Variants in UBASH3A observed in about 807,000 individuals in gnomAD.
UBASH3A encodes ubiquitin-associated and SH3 domain-containing protein A.
In UBASH3A, 63 loss-of-function variants were observed where a neutral mutation model predicts 73.5. That is an observed-to-expected ratio of 0.86 (90% CI 0.70 to 1.06). The LOEUF (loss-of-function observed/expected upper bound fraction) is 1.06. UBASH3A is among the 50% of genes least tolerant of loss of function. The probability of loss-of-function intolerance (pLI) is 0.00; values close to 1 mark genes in which losing one functional copy is unlikely to be tolerated. For synonymous variants in UBASH3A, 363 were observed against 351.1 expected (o/e 1.03, Z -0.38); for missense variants, 860 against 859.0 (o/e 1.00, Z -0.02).
At chr21:42,407,675 G>T (rs1374549683) in intron 2 of UBASH3A, among the ~76,000 whole-genome samples, 1 of 152,218 alleles carries the variant, frequency 6.6e-6, no homozygotes, top group Non-Finnish European at 1.5e-5. Context: ...CACGTCACTG[G>T]TGTCACTGAG....
At chr21:42,409,376 CT>C (rs773809533) in intron 2 of UBASH3A, 45 bp from the exon 3 acceptor site, 3 of 1,503,398 alleles carry the variant, frequency 2.0e-6, no homozygotes, top group Non-Finnish European at 2.7e-6. Flanking sequence ...GGGGAAAACT[CT>C]TTTTGTTGTG....
intron 7 of UBASH3A, among the ~76,000 whole-genome samples, chr21:42,424,436 C>A (rs2053399345): frequency 6.6e-6 from 1 of 152,206 alleles, no homozygotes. Context: ...TAATGTTTGT[C>A]CATTGCTTTG....
chr21:42,411,868 T>C (rs1464249476), intron 3 of UBASH3A, among the ~76,000 whole-genome samples: 1 of 152,238 alleles, frequency 6.6e-6, no homozygotes, highest in African/African-American at 2.4e-5. Context: ...TGGACATGTG[T>C]TCACTGGGTG....
chr21:42,422,665 C>T (rs2053359149), intron 7 of UBASH3A, among the ~76,000 whole-genome samples: 1 of 151,782 alleles, frequency 6.6e-6, no homozygotes, highest in African/African-American at 2.4e-5. Context: ...ATATTTGCAG[C>T]TTTAAAATAA....
chr21:42,404,761 C>T (rs994270660), intron 1 of UBASH3A, among the ~76,000 whole-genome samples: 8 of 152,206 alleles, frequency 5.3e-5, no homozygotes, highest in African/African-American at 9.6e-5. Context: ...GAGACAATCC[C>T]TTGAGTGTCT....
intron 8 of UBASH3A, among the ~76,000 whole-genome samples, chr21:42,427,274 G>A (rs892330910): frequency 6.6e-6 from 1 of 152,162 alleles, no homozygotes; most frequent in Non-Finnish European, 1.5e-5. Context: ...AGGAGTGCAG[G>A]CTGCCAGGCA....
Position 42,447,361 on chromosome 21 carries a change from T to A in UBASH3A, c.*167T>A. The A allele has an allele frequency of 1.4e-6, 1 of 727,782 alleles. No homozygotes were observed. The highest frequency in any genetic ancestry group is 2.1e-6 in the Non-Finnish European group (1 of 465,224). 45.1% of individuals were successfully genotyped at this position (727,782 alleles called of 1,614,324 possible). A position where few individuals can be genotyped will look rare whatever the true frequency, so the allele number is the denominator to read the frequency against. On this transcript the variant is annotated 3_prime_UTR_variant, in exon 15 of 15. Transcript: ENST00000319294. Reference sequence around the variant, plus strand: ...GAATATTTCCCTCCGGCTTTCGCCTTTGTAACTCCCATCTGTGGACCCATC... The same window carrying A: ...GAATATTTCCCTCCGGCTTTCGCCTATGTAACTCCCATCTGTGGACCCATC...
intron 9 of UBASH3A, among the ~76,000 whole-genome samples, chr21:42,433,350 G>A (rs11910326): frequency 0.18 from 28,120 of 152,074 alleles, 2,850 homozygotes; most frequent in African/African-American, 0.26. Context: ...GGAACACAAG[G>A]GAGATTTGGG....
rs767258756 is a variant in UBASH3A at position 42,413,262 on chromosome 21, C to T, written c.553+40C>T. 2 of 1,608,510 alleles carry T rather than the reference C, an allele frequency of 1.2e-6. No individual in the cohort carries two copies. The highest frequency in any genetic ancestry group is 1.1e-5 in the South Asian group (1 of 90,914). On this transcript the variant is annotated intron_variant, in intron 4 of 14. Transcript: ENST00000319294. The surrounding 1 kb of genome is among the most constrained non-coding windows in gnomAD (Gnocchi z 4.5). ...CCAGTTGCAAACACAGGGCTGGATT[C>T]ACAGTGAGTGAGCCCTCTGTGGCAG...
chr21:42,432,142 G>C lies in UBASH3A; in HGVS notation c.1210G>C (p.Gly404Arg), dbSNP rs151042130. ...GAAGAGCGTGCTGGTGGTTCGCCACGGGGAGAGAGTGGATCAGATCTTCGG... is the reference window on the plus strand; with the variant it reads ...GAAGAGCGTGCTGGTGGTTCGCCACCGGGAGAGAGTGGATCAGATCTTCGG... ...ARKSVLVVRH[G>R]ERVDQIFGKA... The change falls in exon 9 of 15, where the codon GGG (glycine) becomes CGG (arginine). Residue 404 changes from glycine to arginine, a missense_variant. By Grantham distance (125) the Gly-to-Arg change is moderately radical. Transcript: ENST00000319294. 6.2e-7 allele frequency: 1 copy of C among 1,613,684 alleles called. No homozygotes were observed. Among genetic ancestry groups the C allele is most frequent in the South Asian group, 1.1e-5 (1 of 90,980 alleles).
In UBASH3A at chr21:42,418,427, A is replaced by G. The variant is rs201120423; in HGVS notation, c.864A>G (p.Lys288=). Residue 288 remains lysine, a synonymous_variant, in exon 7 of 15, where the codon AAA becomes AAG. Transcript: ENST00000319294. ...YQTLRALFQY[K]PQNVDELTLS... ...CCCTGAGAGCCCTATTCCAGTACAA[A>G]CCCCAGAACGTGGATGAGCTGACGC... The G allele has an allele frequency of 3.6e-5, 58 of 1,613,880 alleles. No individual in the cohort carries two copies. Among genetic ancestry groups the G allele is most frequent in the Non-Finnish European group, 4.8e-5 (57 of 1,179,970 alleles).
chr21:42,443,029 G>A lies in UBASH3A; in HGVS notation c.1632-283G>A, dbSNP rs1035896086. The A allele has an allele frequency of 1.8e-5, 17 of 928,622 alleles. No homozygotes were observed. In the Admixed American group the frequency reaches 2.3e-4, roughly 12 times the overall value. The allele number at this position is 928,622 out of a possible 1,614,324, so 57.5% of individuals were successfully genotyped here. On this transcript the variant is annotated intron_variant, in intron 12 of 14. Coordinates refer to ENST00000319294, the MANE Select transcript of UBASH3A (RefSeq NM_018961.4). Reference sequence around the variant, plus strand: ...TTGAGAAGAAGGTTCAGAGGAGCTGGACTGGAGTTTAGTCAAGGAGAGAGT... The same window carrying A: ...TTGAGAAGAAGGTTCAGAGGAGCTGAACTGGAGTTTAGTCAAGGAGAGAGT...
chr21:42,437,682 T>C, intron 11 of UBASH3A, 102 bp downstream of exon 11: 2 of 1,040,664 alleles, frequency 1.9e-6, no homozygotes, highest in Non-Finnish European at 2.9e-6. Flanking sequence ...TGACTGGCAA[T>C]GAATGCCCAC....
At chr21:42,442,228 G>A (rs1446485893) in intron 11 of UBASH3A, among the ~76,000 whole-genome samples, 1 of 152,172 alleles carries the variant, frequency 6.6e-6, no homozygotes, top group Non-Finnish European at 1.5e-5. Context: ...CACACAGGGG[G>A]CCATCACTCC....
Position 42,437,581 on chromosome 21 carries a change from G to A in UBASH3A, c.1486+1G>A. The A allele has an allele frequency of 6.2e-7, 1 of 1,614,060 alleles. No individual in the cohort carries two copies. Among genetic ancestry groups the A allele is most frequent in the Non-Finnish European group, 8.5e-7 (1 of 1,179,910 alleles). ...CAGACGGCCAAACTCATCCTGGAAG[G>A]TCAGTGAGAACCTCGGTGAGCCTCT... On this transcript the variant is annotated splice_donor_variant, in intron 11 of 14. Transcript: ENST00000319294. LOFTEE classifies it high-confidence loss of function.
At position 42,436,008 on chromosome 21, in the gene UBASH3A, G is replaced by A. The variant is rs150469168; in HGVS notation, c.1393+1054G>A. On this transcript the variant is annotated intron_variant, in intron 10 of 14. Transcript: ENST00000319294. ...AGTTATAGAGTTATAGAGTCATAGA[G>A]TTATAGAGTTATAGAGTCATAAAAT... Among the ~76,000 whole-genome samples, 554 of 151,902 alleles carry A rather than the reference G, an allele frequency of 3.6e-3. 6 individuals carry two copies. Among genetic ancestry groups the A allele is most frequent in the South Asian group, 0.024 (114 of 4,792 alleles).
rs149115903 is a variant in UBASH3A at position 42,418,546 on chromosome 21, G to T, written c.983G>T (p.Arg328Leu). The part of the protein sequence containing the change: ...VIGISQRTGC[R>L]GFLPENYTDR... ...GGGATCTCACAGCGGACGGGCTGCC[G>T]GGGCTTCCTGCCGGAAAACTACACG... Residue 328 changes from arginine (R) to leucine (L), a missense_variant, in exon 7 of 15, where the codon CGG (arginine) becomes CTG (leucine). Physicochemically the swap from Arg to Leu is moderately radical, Grantham distance 102. Transcript: ENST00000319294. The T allele has an allele frequency of 6.2e-7, 1 of 1,614,016 alleles. No homozygotes were observed. Among genetic ancestry groups the T allele is most frequent in the Non-Finnish European group, 8.5e-7 (1 of 1,180,016 alleles).
intron 13 of UBASH3A, 46 bp downstream of exon 13, chr21:42,443,464 G>A (rs2053788590): frequency 1.5e-5 from 23 of 1,491,308 alleles, no homozygotes; most frequent in Non-Finnish European, 2.0e-5. Flanking sequence ...TGGGGCTTGG[G>A]GAATTATCTC....
intron 6 of UBASH3A, among the ~76,000 whole-genome samples, chr21:42,416,888 GC>G (rs2053223394): frequency 6.6e-6 from 1 of 152,124 alleles, no homozygotes; most frequent in Non-Finnish European, 1.5e-5. Flanking sequence ...AGTGGAGGTA[GC>G]ATCACTGCAC....
Sources: gnomAD v4.1 joint callset for allele counts (sites outside exome capture counted in the v4.1 genomes callset) on GRCh38, gnomAD v4.1.1 for gene constraint, Gnocchi (gnomAD v3.1) non-coding constraint, MANE v1.5 for transcripts, NCBI Gene and HGNC (gene_info 2026-07-23, HGNC 2026-07-21) for gene names.